The following CLASP1 variants were observed in gnomAD, a reference collection of about 807,000 sequenced individuals.
The protein encoded by CLASP1 is CLIP-associating protein 1.
In CLASP1, 38 loss-of-function variants were observed where a neutral mutation model predicts 192.3. The ratio of observed to expected loss-of-function variants is 0.20; its 90% CI spans 0.15 to 0.26. CLASP1 has a LOEUF of 0.26. Ranked by LOEUF, CLASP1 falls within the 10% of genes least tolerant of loss-of-function variation. The pLI is 1.00. For missense variants in CLASP1, 1,433 were observed against 1,932.5 expected (o/e 0.74, Z 4.85); for synonymous variants, 691 against 712.8 (o/e 0.97, Z 0.49).
Position 121,462,397 on chromosome 2 carries a change from C to T in CLASP1, c.939+135G>A, listed in dbSNP as rs2088269758. The T allele has an allele frequency of 9.1e-6, 5 of 548,356 alleles. No homozygotes were observed. In the East Asian group the frequency reaches 1.4e-4, roughly 16 times the overall value. 34.0% of individuals were successfully genotyped at this position (548,356 alleles called of 1,614,324 possible). A position where few individuals can be genotyped will look rare whatever the true frequency, so the allele number is the denominator to read the frequency against. On this transcript the variant is annotated intron_variant, in intron 10 of 39. Coordinates refer to ENST00000263710, the Ensembl canonical transcript of CLASP1. ...TTGCTCCAACATTTTCTGGTCTGCA[C>T]CTCAGATCTCCTGTAGTGCTGACAG...
At chr2:121,526,171 G>A (rs2094569209) in intron 5 of CLASP1, among the ~76,000 whole-genome samples, 1 of 152,210 alleles carries the variant, frequency 6.6e-6, no homozygotes, top group African/African-American at 2.4e-5. Flanking sequence ...GGCCAATCTG[G>A]CCCTAACCCT....
intron 19 of CLASP1, among the ~76,000 whole-genome samples, chr2:121,433,555 C>G (rs142344134): frequency 6.6e-6 from 1 of 152,200 alleles, no homozygotes; most frequent in East Asian, 1.9e-4. Context: ...AAGAGTTTGA[C>G]ACCAGCTTGG....
chr2:121,347,187 C>T, intron 38 of CLASP1, 33 bp from the exon 40 acceptor site: 1 of 1,413,208 alleles, frequency 7.1e-7, no homozygotes, highest in Non-Finnish European at 9.8e-7. Context: ...GAAAAGGAAA[C>T]CAGATCAAAG....
chr2:121,382,174 A>T, intron 33 of CLASP1, 34 bp downstream of exon 34: 1 of 1,504,654 alleles, frequency 6.6e-7, no homozygotes, highest in Non-Finnish European at 9.1e-7. Flanking sequence ...TAATATTGTG[A>T]CACCTCAGAC....
intron 34 of CLASP1, among the ~76,000 whole-genome samples, chr2:121,376,729 AC>A (rs1406405367): frequency 6.6e-6 from 1 of 152,174 alleles, no homozygotes; most frequent in Non-Finnish European, 1.5e-5. Context: ...ATTTACAGCC[AC>A]CCCACATTGC....
exon 9 of CLASP1, chr2:121,469,852 G>T (rs188274950): frequency 6.2e-7 from 1 of 1,613,790 alleles, no homozygotes; most frequent in Admixed American, 1.7e-5. Context: ...CCGGCGGGTG[G>T]TTCCCATTCC....
intron 26 of CLASP1, among the ~76,000 whole-genome samples, chr2:121,403,208 GACAC>G (rs2076395378): frequency 6.6e-6 from 1 of 152,142 alleles, no homozygotes; most frequent in African/African-American, 2.4e-5. Flanking sequence ...CTTCAAGAAT[GACAC>G]TGAGTGAGGA....
intron 8 of CLASP1, among the ~76,000 whole-genome samples, chr2:121,472,915 A>AT (rs2091006896): frequency 6.6e-6 from 1 of 152,248 alleles, no homozygotes; most frequent in Non-Finnish European, 1.5e-5. Flanking sequence ...AGAGCTTAAA[A>AT]GCAGGCCTAC....
chr2:121,426,038 G>A lies in CLASP1; in HGVS notation c.2045-732C>T, dbSNP rs372912394. On this transcript the variant is annotated intron_variant, in intron 21 of 39. Coordinates refer to ENST00000263710, the Ensembl canonical transcript of CLASP1. ...TACATGCCTCTAGTCCCAGCTACCC[G>A]GGAGACTGAGGTGGGAGGATCACTT... Among the ~76,000 whole-genome samples the A allele has an allele frequency of 4.2e-4, 64 of 152,060 alleles. 1 individual carries two copies. In the South Asian group the frequency reaches 0.012, roughly 28 times the overall value.
intron 25 of CLASP1, among the ~76,000 whole-genome samples, chr2:121,406,599 T>A (rs1053710147): frequency 1.6e-4 from 24 of 152,134 alleles, no homozygotes; most frequent in Non-Finnish European, 3.2e-4. Context: ...TTATTTTTTT[T>A]ATTTTTTTTG....
At chr2:121,530,826 CAACCCTACCAGG>C in intron 2 of CLASP1, 1 of 652,036 alleles carries the variant, frequency 1.5e-6, no homozygotes. Flanking sequence ...TTAATTACCA[CAACCCTACCAGG>C]TATTGGCGCT....
chr2:121,356,761 C>T (rs2065465578), intron 37 of CLASP1, among the ~76,000 whole-genome samples: 1 of 152,198 alleles, frequency 6.6e-6, no homozygotes, highest in South Asian at 2.1e-4. Context: ...AGACAGTCAT[C>T]ACATCCTTGC....
chr2:121,387,198 G>A, exon 32 of CLASP1: 1 of 1,608,778 alleles, frequency 6.2e-7, no homozygotes, highest in South Asian at 1.1e-5. Context: ...TGTCGGGAGG[G>A]CGTCCGGCCA....
Position 121,393,678 on chromosome 2 carries a change from A to G in CLASP1, c.3123+3462T>C, listed in dbSNP as rs147866192. Among the ~76,000 whole-genome samples, 10 of 152,312 alleles carry G rather than the reference A, an allele frequency of 6.6e-5. No homozygotes were observed. In the East Asian group the frequency reaches 1.9e-3, roughly 29 times the overall value. On this transcript the variant is annotated intron_variant, in intron 30 of 39. Coordinates refer to ENST00000263710, the Ensembl canonical transcript of CLASP1. ...AATGTTCAACGGATGCTACATCAAA[A>G]CAGGGAATTTAAATAAAAGTGAATC...
At chr2:121,461,873 C>T (rs1167149864) in intron 10 of CLASP1, among the ~76,000 whole-genome samples, 2 of 152,112 alleles carry the variant, frequency 1.3e-5, no homozygotes, top group East Asian at 1.9e-4. Flanking sequence ...GATGAGGTTT[C>T]GCCATGTCGC....
chr2:121,523,082 CTG>C (rs1269093983), intron 6 of CLASP1, among the ~76,000 whole-genome samples: 12 of 152,182 alleles, frequency 7.9e-5, no homozygotes, highest in African/African-American at 2.2e-4. Context: ...AAAGGGGAAA[CTG>C]AGGCTCAAGA....
chr2:121,480,950 C>T (rs866864791), intron 8 of CLASP1, among the ~76,000 whole-genome samples: 64 of 152,328 alleles, frequency 4.2e-4, no homozygotes, highest in African/African-American at 1.4e-3. Flanking sequence ...CAGTGAGAAC[C>T]GACGTCTAAT....
At chr2:121,425,722 T>C (rs751247445) in intron 21 of CLASP1, among the ~76,000 whole-genome samples, 1 of 151,986 alleles carries the variant, frequency 6.6e-6, no homozygotes, top group Non-Finnish European at 1.5e-5. Context: ...ATCTGACAAA[T>C]GATATAAAAG....
chr2:121,604,410 T>C (rs1396024051), intron 2 of CLASP1, among the ~76,000 whole-genome samples: 1 of 152,232 alleles, frequency 6.6e-6, no homozygotes, highest in African/African-American at 2.4e-5. Context: ...GGCACACGCC[T>C]GTAATCCCGG....
Sources: gnomAD v4.1 joint callset for allele counts (sites outside exome capture counted in the v4.1 genomes callset) on GRCh38, gnomAD v4.1.1 for gene constraint, MANE v1.5 for transcripts, NCBI Gene and HGNC (gene_info 2026-07-23, HGNC 2026-07-21) for gene names.